MYO18A: variants seen among roughly 807,000 people sequenced by gnomAD.
The protein encoded by MYO18A is unconventional myosin-XVIIIa.
In MYO18A, 78 loss-of-function variants were observed where a neutral mutation model predicts 235.8. The ratio of observed to expected loss-of-function variants is 0.33; its 90% confidence interval spans 0.28 to 0.40. The LOEUF is 0.40. MYO18A is among the 10% of genes least tolerant of loss of function. The pLI, the probability that MYO18A is intolerant of heterozygous loss-of-function variation, is 1.00. For missense variants in MYO18A, 2,215 were observed against 2,699.3 expected (o/e 0.82, Z 3.98); for synonymous variants, 977 against 1,077.8 (o/e 0.91, Z 1.83).
Position 29,094,992 on chromosome 17 carries a change from GCA to G in MYO18A, c.4451_4452del (p.Leu1484ProfsTer10). On this transcript the variant is annotated frameshift_variant, in exon 29 of 42. Coordinates refer to ENST00000527372, the MANE Select transcript of MYO18A (RefSeq NM_078471.4). LOFTEE classifies it high-confidence loss of function. ...AQREKLQREK[L>X]QREKDMLLAE... ...GCGAGGAGCATGTCCTTCTCCCGCT[GCA>G]GCTTCTCCCGCTGCAGCTTCTCCCG... is the stretch of plus-strand genomic sequence containing the variant. The G allele has an allele frequency of 6.3e-7, 1 of 1,595,728 alleles. No individual in the cohort carries two copies.
chr17:29,100,598 G>C (rs1278404372), intron 21 of MYO18A, among the ~76,000 whole-genome samples: 1 of 152,232 alleles, frequency 6.6e-6, no homozygotes, highest in Non-Finnish European at 1.5e-5. Context: ...ACGCCACAAA[G>C]GGAAGTGTGT....
intron 33 of MYO18A, among the ~76,000 whole-genome samples, 167 bp downstream of exon 33, chr17:29,092,688 G>A (rs1196577584): frequency 6.6e-6 from 1 of 152,210 alleles, no homozygotes; most frequent in Non-Finnish European, 1.5e-5. Context: ...AGACAGTAAG[G>A]CACACGCAGA....
At chr17:29,082,547 A>C in intron 40 of MYO18A, 109 bp from the exon 41 acceptor site, 1 of 1,170,204 alleles carries the variant, frequency 8.5e-7, no homozygotes, top group Non-Finnish European at 1.2e-6. Flanking sequence ...TGTGGGCAGC[A>C]TGCACGTCGG....
At chr17:29,116,725 TCCCCCCCCC>T (rs969314500) in intron 10 of MYO18A, among the ~76,000 whole-genome samples, 247 of 3,586 alleles carry the variant, frequency 0.069, 4 homozygotes, top group African/African-American at 0.13. Flanking sequence ...AAACACACCC[TCCCCCCCCC>T]CCCCCCCCCC....
In MYO18A at chr17:29,074,328, GC is replaced by G; in HGVS notation, c.*441del. 1.2e-6 allele frequency: 1 copy of G among 843,710 alleles called. No homozygotes were observed. The highest frequency in any genetic ancestry group is 1.8e-6 in the Non-Finnish European group (1 of 548,584). 52.3% of individuals were successfully genotyped at this position (843,710 alleles called of 1,614,324 possible). A position where few individuals can be genotyped will look rare whatever the true frequency, so the allele number is the denominator to read the frequency against. ...AGACAGCAGGCACCAAGAAGAGAGA[GC>G]CCCCACCCCACACGAGAGGGAAGGC... On this transcript the variant is annotated 3_prime_UTR_variant, in exon 42 of 42. Coordinates refer to ENST00000527372, the MANE Select transcript of MYO18A (RefSeq NM_078471.4). The surrounding 1 kb of genome is among the most constrained non-coding windows in gnomAD (Gnocchi z 4.4).
At position 29,092,430 on chromosome 17, in the gene MYO18A, C is replaced by T. The variant is rs756643378; in HGVS notation, c.5100G>A (p.Ala1700=). Residue 1700 remains alanine (A), a synonymous_variant, in exon 34 of 42, where the codon GCG becomes GCA. Transcript: ENST00000527372. The part of the protein sequence containing the change: ...NQLEESEFTC[A]AAVKARKAME... ...TTGCTTTCCGTGCTTTCACGGCTGC[C>T]GCACAGGTGAACTCTGACTCCTCCA... is the stretch of plus-strand genomic sequence containing the variant. The T allele has an allele frequency of 9.9e-6, 16 of 1,612,054 alleles. No homozygotes were observed. Among genetic ancestry groups the T allele is most frequent in the Middle Eastern group, 1.6e-4 (1 of 6,084 alleles).
In MYO18A at chr17:29,158,980, G is replaced by A. The variant is rs1056170792; in HGVS notation, c.999+6962C>T. Reference sequence around the variant, plus strand: ...AGGGACCATGACAGGAAGAGGCAAGGGCAGGCTACCTTTAAGACCCTGCCC... The same window carrying A: ...AGGGACCATGACAGGAAGAGGCAAGAGCAGGCTACCTTTAAGACCCTGCCC... On this transcript the variant is annotated intron_variant, in intron 2 of 41. Transcript: ENST00000527372. The surrounding 1 kb of genome is among the most constrained non-coding windows in gnomAD (Gnocchi z 4.3). Among the ~76,000 whole-genome samples, 3 of 151,998 alleles carry A rather than the reference G, an allele frequency of 2.0e-5. No homozygotes were observed. The highest frequency in any genetic ancestry group is 7.3e-5 in the African/African-American group (3 of 41,370).
At chr17:29,128,113 A>G in intron 2 of MYO18A, 1 of 1,055,780 alleles carries the variant, frequency 9.5e-7, no homozygotes, top group Non-Finnish European at 1.1e-6. Flanking sequence ...CCCTGCCCCG[A>G]GACATCAGGC....
chr17:29,150,797 C>T (rs2067949604), intron 2 of MYO18A, among the ~76,000 whole-genome samples: 1 of 152,196 alleles, frequency 6.6e-6, no homozygotes, highest in Non-Finnish European at 1.5e-5. Context: ...CTTTGAAAGA[C>T]CCTATAGAGG....
chr17:29,169,282 C>T (rs933666025), intron 1 of MYO18A, among the ~76,000 whole-genome samples: 8 of 152,070 alleles, frequency 5.3e-5, no homozygotes, highest in African/African-American at 1.9e-4. Context: ...GATCTCCTGA[C>T]CTCATGATCC....
Position 29,118,568 on chromosome 17 carries a change from C to A in MYO18A, c.1830-128G>T. On this transcript the variant is annotated intron_variant, in intron 8 of 41. Coordinates refer to ENST00000527372, the MANE Select transcript of MYO18A (RefSeq NM_078471.4). The surrounding 1 kb of genome is among the most constrained non-coding windows in gnomAD (Gnocchi z 4.2). ...TTGTCTGCCCATCATCCCATCATCCCCAACTGGCGGGCCAGCTGTCACTGC... is the reference window on the plus strand; with the variant it reads ...TTGTCTGCCCATCATCCCATCATCCACAACTGGCGGGCCAGCTGTCACTGC... The A allele has an allele frequency of 1.2e-6, 1 of 811,926 alleles. No individual in the cohort carries two copies. The allele number at this position is 811,926 out of a possible 1,614,324, so 50.3% of individuals were successfully genotyped here. A position where few individuals can be genotyped will look rare whatever the true frequency, so the allele number is the denominator to read the frequency against.
intron 10 of MYO18A, 126 bp from the exon 11 acceptor site, chr17:29,116,581 A>G: frequency 1.1e-6 from 1 of 926,412 alleles, no homozygotes; most frequent in Non-Finnish European, 1.7e-6. Flanking sequence ...AGTAGGCAAG[A>G]AAACACAACC....
chr17:29,126,409 G>A lies in MYO18A; in HGVS notation c.1000-4156C>T, dbSNP rs1164623269. Among the ~76,000 whole-genome samples the A allele has an allele frequency of 6.6e-6, 1 of 152,202 alleles. No homozygotes were observed. The highest frequency in any genetic ancestry group is 1.5e-5 in the Non-Finnish European group (1 of 68,038). ...TATGGGTTCTCCAGAGCGACCAACA[G>A]TTCTGCCCATACCCTGCCCAAAATG... On this transcript the variant is annotated intron_variant, in intron 2 of 41. Transcript: ENST00000527372. This position sits in a 1 kb window ranked among gnomAD's most constrained non-coding sequence, Gnocchi z 4.1.
chr17:29,136,435 GT>G (rs200936317), intron 2 of MYO18A, among the ~76,000 whole-genome samples: 2 of 151,778 alleles, frequency 1.3e-5, no homozygotes, highest in East Asian at 3.9e-4. Flanking sequence ...TGGAGCAAGG[GT>G]GTTTAGATCT....
chr17:29,122,011 A>C, intron 3 of MYO18A, 54 bp from the exon 4 acceptor site: 1 of 1,582,310 alleles, frequency 6.3e-7, no homozygotes, highest in Admixed American at 1.7e-5. Context: ...CTGCTACTCC[A>C]CTTGGGAACT....
intron 21 of MYO18A, among the ~76,000 whole-genome samples, chr17:29,101,281 AGCT>A (rs1286475037): frequency 6.6e-6 from 1 of 150,958 alleles, no homozygotes; most frequent in Non-Finnish European, 1.5e-5. Flanking sequence ...TACAGACATG[AGCT>A]GCTGTGCCTG....
chr17:29,145,516 G>A (rs779411752), intron 2 of MYO18A, among the ~76,000 whole-genome samples: 3 of 152,090 alleles, frequency 2.0e-5, no homozygotes, highest in Non-Finnish European at 2.9e-5. Context: ...ACCTCAAGGC[G>A]AACACTGTGG....
chr17:29,088,353 C>T (rs577159387), intron 37 of MYO18A, among the ~76,000 whole-genome samples: 3 of 152,146 alleles, frequency 2.0e-5, no homozygotes, highest in African/African-American at 7.2e-5. Context: ...CGCGCCCAGC[C>T]GAAAATAAGT....
intron 37 of MYO18A, among the ~76,000 whole-genome samples, chr17:29,089,519 G>A: frequency 6.6e-6 from 1 of 151,376 alleles, no homozygotes; most frequent in Admixed American, 6.6e-5. Flanking sequence ...AGACAGGAGG[G>A]CAGAAGAAGT....
Sources: allele counts gnomAD v4.1 joint callset (sites outside exome capture counted in the v4.1 genomes callset), GRCh38; gene constraint gnomAD v4.1.1; non-coding constraint Gnocchi (gnomAD v3.1); transcripts MANE v1.5; gene names NCBI Gene and HGNC (gene_info 2026-07-23, HGNC 2026-07-21).